Variants in SPATS2L observed in about 807,000 individuals in gnomAD.
The protein encoded by SPATS2L is SPATS2-like protein.
Under a neutral mutation model 59.6 loss-of-function variants are expected in SPATS2L, and 30 were observed. The observed-to-expected ratio is 0.50, with a 90% CI of 0.38 to 0.68. The LOEUF is 0.68. Ranked by LOEUF, SPATS2L falls within the 30% of genes least tolerant of loss-of-function variation. The pLI, the probability that SPATS2L is intolerant of heterozygous loss-of-function variation, is 0.00. For missense variants in SPATS2L, 615 were observed against 700.0 expected, an observed-to-expected ratio of 0.88 and a Z score of 1.37; for synonymous variants, 252 against 263.5, an observed-to-expected ratio of 0.96 and a Z score of 0.42.
At chr2:200,414,869 CA>C (rs2083003117) in intron 4 of SPATS2L, among the ~76,000 whole-genome samples, 2 of 152,104 alleles carry the variant, frequency 1.3e-5, no homozygotes, top group Non-Finnish European at 2.9e-5. Flanking sequence ...GAATGTATAT[CA>C]AAACATGAAA....
At position 200,448,405 on chromosome 2, in the gene SPATS2L, G is replaced by A. The variant is rs534434740; in HGVS notation, c.788+7621G>A. On this transcript the variant is annotated intron_variant, in intron 8 of 12. Transcript: ENST00000409140. Reference sequence around the variant, plus strand: ...GGCAGTGAGCTGAGATCACACCACCGCACTCCAGCCTGGGTGACAGAACAA... The same window carrying A: ...GGCAGTGAGCTGAGATCACACCACCACACTCCAGCCTGGGTGACAGAACAA... 1.8e-4 allele frequency among the ~76,000 whole-genome samples: 27 copies of A among 152,266 alleles called. No homozygotes were observed. The South Asian group carries it at 4.6e-3, about 26-fold the overall frequency.
rs2087756135 is a variant in SPATS2L, at chr2:200,480,698, G to C, written c.*2667G>C. The stretch of plus-strand genomic sequence containing the variant: ...TTTTTGCCTTTCTTATAGACCCTGG[G>C]CATGTAAGCATTTATTAGTTTGCAT... On this transcript the variant is annotated 3_prime_UTR_variant, in exon 13 of 13. Transcript: ENST00000409140. 2.0e-5 allele frequency: 3 copies of C among 152,252 alleles called. No homozygotes were observed. The South Asian group carries it at 6.2e-4, about 32-fold the overall frequency. The allele number at this position is 152,252 out of a possible 1,614,324, so 9.4% of individuals were successfully genotyped here.
chr2:200,408,517 T>G (rs1052238270), intron 3 of SPATS2L, among the ~76,000 whole-genome samples: 1 of 152,196 alleles, frequency 6.6e-6, no homozygotes, highest in African/African-American at 2.4e-5. Context: ...TTGAAAACTT[T>G]GGTCAGAGCC....
chr2:200,386,574 A>G (rs139652288), intron 2 of SPATS2L, among the ~76,000 whole-genome samples: 98 of 152,356 alleles, frequency 6.4e-4, no homozygotes, highest in Non-Finnish European at 1.2e-3. Flanking sequence ...TCTGTGGATT[A>G]TAACATTTCA....
chr2:200,448,161 G>A (rs2085179754), intron 8 of SPATS2L, among the ~76,000 whole-genome samples: 1 of 152,046 alleles, frequency 6.6e-6, no homozygotes, highest in Non-Finnish European at 1.5e-5. Flanking sequence ...CAAACAAACG[G>A]GTGGGCACAG....
Position 200,424,875 on chromosome 2 carries a change from T to C in SPATS2L, c.445+5379T>C, listed in dbSNP as rs538137326. 2.0e-3 allele frequency among the ~76,000 whole-genome samples: 300 copies of C among 152,204 alleles called. 3 individuals carry two copies. The highest frequency in any genetic ancestry group is 4.1e-4 in the Non-Finnish European group (28 of 68,006). On this transcript the variant is annotated intron_variant, in intron 6 of 12. Transcript: ENST00000409140. ...TTATGTTGCCTCCTCGTGTAAAGCA[T>C]CCTGGGAAACCAAGTCTTCGGTCCC...
At chr2:200,312,860 G>A (rs2079238661) in intron 1 of SPATS2L, among the ~76,000 whole-genome samples, 1 of 152,192 alleles carries the variant, frequency 6.6e-6, no homozygotes, top group South Asian at 2.1e-4. Context: ...CTGTTGCAAA[G>A]TACTAGTTCA....
chr2:200,479,943 G>A lies in SPATS2L; in HGVS notation c.*1912G>A, dbSNP rs973708420. ...TCCAGGAAGGAAGGAAGAGTTGTTC[G>A]TTCAAATAAGAAAGATAAATGTTCG... On this transcript the variant is annotated 3_prime_UTR_variant, in exon 13 of 13. Transcript: ENST00000409140. The A allele has an allele frequency of 1.5e-5, 6 of 392,440 alleles. No homozygotes were observed. The highest frequency in any genetic ancestry group is 4.1e-5 in the African/African-American group (2 of 48,512). The allele number at this position is 392,440 out of a possible 1,614,324, so 24.3% of individuals were successfully genotyped here.
chr2:200,410,474 G>A, intron 3 of SPATS2L, among the ~76,000 whole-genome samples: 1 of 152,078 alleles, frequency 6.6e-6, no homozygotes, highest in East Asian at 1.9e-4. Context: ...AAAATCCTTT[G>A]CACAGCCTTG....
rs116934104 is a variant in SPATS2L, at chr2:200,395,138, G to A, written c.39+5855G>A. 5.8e-4 allele frequency among the ~76,000 whole-genome samples: 88 copies of A among 152,274 alleles called. No homozygotes were observed. The East Asian group carries it at 0.015, about 27-fold the overall frequency. ...TAATAGTCACTGTTAGATTATTTCT[G>A]TGTAAAATATGTGGGTACCAAGGTA... On this transcript the variant is annotated intron_variant, in intron 3 of 12. Transcript: ENST00000409140.
intron 1 of SPATS2L, among the ~76,000 whole-genome samples, chr2:200,321,265 A>G (rs2079551872): frequency 6.6e-6 from 1 of 152,148 alleles, no homozygotes; most frequent in Non-Finnish European, 1.5e-5. Context: ...CTTTGGAATC[A>G]GGCACTTGGA....
At chr2:200,394,097 C>CATTTTAAAATGAT (rs2082255224) in intron 3 of SPATS2L, among the ~76,000 whole-genome samples, 2 of 152,182 alleles carry the variant, frequency 1.3e-5, no homozygotes, top group South Asian at 4.1e-4. Flanking sequence ...TTAACTGTTT[C>CATTTTAAAATGAT]ATTTTAAAAT....
intron 2 of SPATS2L, among the ~76,000 whole-genome samples, chr2:200,355,171 C>T (rs374192835): frequency 2.0e-5 from 3 of 152,262 alleles, no homozygotes; most frequent in South Asian, 2.1e-4. Flanking sequence ...ATGCCAGAGC[C>T]ACTGTGGCAC....
At chr2:200,466,775 T>G (rs933248693) in intron 9 of SPATS2L, among the ~76,000 whole-genome samples, 3 of 152,214 alleles carry the variant, frequency 2.0e-5, no homozygotes, top group Non-Finnish European at 4.4e-5. Flanking sequence ...ACAAAAAAAC[T>G]AATAAAGTTA....
rs552513174 is a variant in SPATS2L, at chr2:200,480,923, T to C, written c.*2892T>C. 2 of 152,352 alleles carry C rather than the reference T, an allele frequency of 1.3e-5. No homozygotes were observed. Among genetic ancestry groups the C allele is most frequent in the South Asian group, 4.1e-4 (2 of 4,832 alleles). The allele number at this position is 152,352 out of a possible 1,614,324, so 9.4% of individuals were successfully genotyped here. A position where few individuals can be genotyped will look rare whatever the true frequency, so the allele number is the denominator to read the frequency against. ...CAGATTATTCTCTTAAACATTTGCC[T>C]AGTAGAGGTTAAAATAGTTTAATCC... On this transcript the variant is annotated 3_prime_UTR_variant, in exon 13 of 13. Transcript: ENST00000409140.
chr2:200,385,135 A>G (rs770652375), intron 2 of SPATS2L, among the ~76,000 whole-genome samples: 72 of 152,358 alleles, frequency 4.7e-4, no homozygotes, highest in Non-Finnish European at 9.4e-4. Context: ...AGGTATGAGT[A>G]TTCAGTCATG....
intron 2 of SPATS2L, among the ~76,000 whole-genome samples, chr2:200,351,672 A>G (rs1276003389): frequency 6.6e-6 from 1 of 152,122 alleles, no homozygotes; most frequent in Non-Finnish European, 1.5e-5. Flanking sequence ...AAATTTTTTT[A>G]TTCACTCCTC....
Position 200,478,155 on chromosome 2 carries a change from T to G in SPATS2L, c.*124T>G, listed in dbSNP as rs1050444638. 5.5e-6 allele frequency: 5 copies of G among 908,992 alleles called. No homozygotes were observed. Among genetic ancestry groups the G allele is most frequent in the East Asian group, 2.9e-5 (1 of 34,822 alleles). The allele number at this position is 908,992 out of a possible 1,614,324, so 56.3% of individuals were successfully genotyped here. On this transcript the variant is annotated 3_prime_UTR_variant, in exon 13 of 13. Transcript: ENST00000409140. ...TCCCGTATGGTTGTGTCATCCTCTC[T>G]TAATCATTTTTACTAATTCTAATAA...
At position 200,306,720 on chromosome 2, in the gene SPATS2L, G is replaced by C. The variant is rs1052430063; in HGVS notation, c.-275G>C. The stretch of plus-strand genomic sequence containing the variant: ...TTGTGTCAGTGAAGGAATCCAGTCC[G>C]GGGGCCGAGCTGGCTGCGCCCTCCG... On this transcript the variant is annotated 5_prime_UTR_variant, in exon 1 of 13. Coordinates refer to ENST00000409140, the MANE Select transcript of SPATS2L (RefSeq NM_001100423.2). The C allele has an allele frequency of 3.1e-6, 3 of 977,496 alleles. No individual in the cohort carries two copies. Among genetic ancestry groups the C allele is most frequent in the South Asian group, 4.8e-5 (1 of 20,662 alleles). The allele number at this position is 977,496 out of a possible 1,614,324, so 60.6% of individuals were successfully genotyped here.
Sources: allele counts gnomAD v4.1 joint callset (sites outside exome capture counted in the v4.1 genomes callset), GRCh38; gene constraint gnomAD v4.1.1; transcripts MANE v1.5; gene names NCBI Gene and HGNC (gene_info 2026-07-23, HGNC 2026-07-21).